The following LRTM1 variants were observed in gnomAD, a reference collection of about 807,000 sequenced individuals.
LRTM1 encodes leucine-rich repeat and transmembrane domain-containing protein 1.
Under a neutral mutation model 32.4 loss-of-function variants are expected in LRTM1, and 38 were observed. The observed-to-expected ratio is 1.17, with a 90% CI of 0.91 to 1.54. The LOEUF (loss-of-function observed/expected upper bound fraction) is 1.54. Among genes scored for constraint, LRTM1 ranks in the 40% most tolerant of loss-of-function variants. LRTM1 has a pLI of 0.00. For synonymous variants in LRTM1, 186 were observed against 169.9 expected (o/e 1.09, Z -0.74); for missense variants, 466 against 415.4 (o/e 1.12, Z -1.06).
chr3:54,951,101 A>C (rs928657171), intron 1 of LRTM1, among the ~76,000 whole-genome samples: 1 of 152,218 alleles, frequency 6.6e-6, no homozygotes, highest in Non-Finnish European at 1.5e-5. Context: ...GAACGCTCCA[A>C]CTATAATATC....
chr3:54,942,581 A>T (rs1701499676), intron 1 of LRTM1, among the ~76,000 whole-genome samples: 1 of 152,162 alleles, frequency 6.6e-6, no homozygotes, highest in African/African-American at 2.4e-5. Flanking sequence ...GGTGCTAAAG[A>T]TGTTTTAAAA....
At chr3:54,945,953 T>C (rs1047415059) in intron 1 of LRTM1, among the ~76,000 whole-genome samples, 3 of 152,198 alleles carry the variant, frequency 2.0e-5, no homozygotes, top group Non-Finnish European at 2.9e-5. Context: ...CTATCCCGGC[T>C]CCTGCTCTTC....
At chr3:54,932,760 A>G (rs200225074), upstream of LRTM1, among the ~76,000 whole-genome samples, 3 of 152,192 alleles carry the variant, frequency 2.0e-5, no homozygotes, top group East Asian at 3.9e-4. Context: ...GTGCTCCTCC[A>G]TCCCTGTCAA....
At chr3:54,959,700 G>A (rs1013554138) in intron 1 of LRTM1, among the ~76,000 whole-genome samples, 3 of 152,106 alleles carry the variant, frequency 2.0e-5, no homozygotes, top group African/African-American at 7.2e-5. Context: ...AATGAAGCCC[G>A]AGGCTTAAAT....
intron 1 of LRTM1, among the ~76,000 whole-genome samples, chr3:54,959,999 C>T (rs1324670426): frequency 2.0e-5 from 3 of 151,610 alleles, no homozygotes; most frequent in African/African-American, 4.9e-5. Flanking sequence ...TAATTAGAAC[C>T]CAAATGGAGG....
chr3:54,929,084 T>A (rs1701113230), upstream of LRTM1, among the ~76,000 whole-genome samples: 1 of 152,166 alleles, frequency 6.6e-6, no homozygotes, highest in Non-Finnish European at 1.5e-5. Flanking sequence ...CCAGGAGGTA[T>A]AATTGAGCCA....
At chr3:54,941,017 A>T (rs185480300) in intron 1 of LRTM1, among the ~76,000 whole-genome samples, 1 of 145,638 alleles carries the variant, frequency 6.9e-6, no homozygotes, top group East Asian at 2.0e-4. Flanking sequence ...AAAACTTGAT[A>T]AGGCAATCCT....
intron 1 of LRTM1, among the ~76,000 whole-genome samples, chr3:54,937,184 G>T (rs563159329): frequency 4.6e-5 from 7 of 152,158 alleles, no homozygotes; most frequent in Non-Finnish European, 1.0e-4. Flanking sequence ...CCCTTTGTGT[G>T]TATTCTTTCT....
intron 1 of LRTM1, among the ~76,000 whole-genome samples, chr3:54,951,286 C>G (rs1054380401): frequency 6.6e-6 from 1 of 152,190 alleles, no homozygotes; most frequent in African/African-American, 2.4e-5. Context: ...TGCCAGATAC[C>G]TCTGTAATAG....
At chr3:54,927,690 T>C (rs1478641828) in intron 1 of LRTM1, among the ~76,000 whole-genome samples, 1 of 152,178 alleles carries the variant, frequency 6.6e-6, no homozygotes, top group Non-Finnish European at 1.5e-5. Flanking sequence ...GCCAACTACA[T>C]ATTCATGTCA....
Position 54,943,359 on chromosome 3 carries a change from G to A in LRTM1, c.-221-18144C>T, listed in dbSNP as rs140706585. 2.8e-3 allele frequency among the ~76,000 whole-genome samples: 432 copies of A among 152,192 alleles called. 1 individual carries two copies. Among genetic ancestry groups the A allele is most frequent in the African/African-American group, 9.5e-3 (395 of 41,542 alleles). On this transcript the variant is annotated intron_variant, in intron 1 of 2. Transcript: ENST00000493075. ...TTCTCACTGTCAAGTTAAGATTGCC[G>A]TTTTTTAGTTAATTTTAGACATGTG...
chr3:54,965,353 C>T (rs1702124720), intron 1 of LRTM1, among the ~76,000 whole-genome samples: 1 of 152,164 alleles, frequency 6.6e-6, no homozygotes, highest in African/African-American at 2.4e-5. Context: ...AAATGATGGT[C>T]TTTAAAAAGG....
chr3:54,953,508 C>A (rs539253854), intron 1 of LRTM1, among the ~76,000 whole-genome samples: 1 of 152,252 alleles, frequency 6.6e-6, no homozygotes, highest in Admixed American at 6.5e-5. Flanking sequence ...GTCAGATGGC[C>A]CATGCTGTGC....
At chr3:54,956,503 T>C (rs1701897236) in intron 1 of LRTM1, among the ~76,000 whole-genome samples, 1 of 152,166 alleles carries the variant, frequency 6.6e-6, no homozygotes, top group African/African-American at 2.4e-5. Flanking sequence ...GTCTTAACGT[T>C]CTCAGTCTTT....
At chr3:54,952,700 C>T (rs1166761708) in intron 1 of LRTM1, among the ~76,000 whole-genome samples, 3 of 152,188 alleles carry the variant, frequency 2.0e-5, no homozygotes, top group African/African-American at 7.2e-5. Flanking sequence ...CTGGTGCCCG[C>T]ATAGTTCCCT....
intron 1 of LRTM1, among the ~76,000 whole-genome samples, chr3:54,960,125 A>G (rs985074524): frequency 2.6e-5 from 4 of 151,996 alleles, no homozygotes; most frequent in Non-Finnish European, 5.9e-5. Flanking sequence ...GTGTGGCCAA[A>G]TGGATCAGGC....
chr3:54,944,934 G>C (rs1403909726), intron 1 of LRTM1, among the ~76,000 whole-genome samples: 1 of 151,924 alleles, frequency 6.6e-6, no homozygotes, highest in African/African-American at 2.4e-5. Flanking sequence ...CTGTAGCCTA[G>C]TTCACTTTTA....
chr3:54,956,208 G>A (rs914352245), intron 1 of LRTM1, among the ~76,000 whole-genome samples: 4 of 152,204 alleles, frequency 2.6e-5, no homozygotes, highest in Non-Finnish European at 5.9e-5. Context: ...CTGGCCAGAG[G>A]GAACCAAGCC....
intron 1 of LRTM1, among the ~76,000 whole-genome samples, chr3:54,964,812 A>C (rs1250937595): frequency 6.6e-6 from 1 of 150,416 alleles, no homozygotes; most frequent in Non-Finnish European, 1.5e-5. Context: ...GGAGAGGGTT[A>C]TTCTTATTTT....
Sources: gnomAD v4.1 joint callset for allele counts (sites outside exome capture counted in the v4.1 genomes callset) on GRCh38, gnomAD v4.1.1 for gene constraint, MANE v1.5 for transcripts, NCBI Gene and HGNC (gene_info 2026-07-23, HGNC 2026-07-21) for gene names.